PKD1L1: variants seen among roughly 807,000 people sequenced by gnomAD.
PKD1L1 encodes polycystin 1 like 1, transient receptor potential channel interacting.
In PKD1L1, 236 loss-of-function variants were observed where a neutral mutation model predicts 323.4. The observed-to-expected ratio is 0.73, with a 90% CI of 0.66 to 0.81. The LOEUF is 0.81. PKD1L1 is among the 40% of genes least tolerant of loss of function. PKD1L1 has a pLI of 0.00. For missense variants in PKD1L1, 3,320 were observed against 3,508.0 expected, an observed-to-expected ratio of 0.95 and a Z score of 1.35; for synonymous variants, 1,344 against 1,335.0, an observed-to-expected ratio of 1.01 and a Z score of -0.15.
At chr7:47,860,491 A>G (rs56119114) in intron 26 of PKD1L1, among the ~76,000 whole-genome samples, 26,299 of 152,198 alleles carry the variant, frequency 0.17, 2,398 homozygotes, top group East Asian at 0.25. Flanking sequence ...TTTAACCACA[A>G]TGATATCTAA....
At chr7:47,819,601 G>A (rs998417308) in intron 46 of PKD1L1, 2 of 1,357,484 alleles carry the variant, frequency 1.5e-6, no homozygotes, top group Non-Finnish European at 2.0e-6. Context: ...CAAATGAGGA[G>A]GCAGAAAATT....
rs1787757669 is a variant in PKD1L1, at chr7:47,931,008, A to G, written c.737+96T>C. 6.4e-6 allele frequency: 8 copies of G among 1,255,756 alleles called. No homozygotes were observed. The South Asian group carries it at 1.2e-4, about 19-fold the overall frequency. The allele number at this position is 1,255,756 out of a possible 1,614,324, so 77.8% of individuals were successfully genotyped here. On this transcript the variant is annotated intron_variant, in intron 6 of 56. Transcript: ENST00000289672. ...AACTGCAACTATAATTAAAGCAAAC[A>G]ACGAAGATACTAAAATCACTAACGG...
intron 16 of PKD1L1, 73 bp downstream of exon 16, chr7:47,890,469 C>T (rs1786786405): frequency 2.0e-6 from 3 of 1,475,134 alleles, no homozygotes; most frequent in Non-Finnish European, 2.8e-6. Flanking sequence ...CAGCAGATTC[C>T]TTTCACGGAT....
intron 8 of PKD1L1, among the ~76,000 whole-genome samples, chr7:47,911,333 C>T (rs1401642756): frequency 6.6e-6 from 1 of 152,196 alleles, no homozygotes; most frequent in Non-Finnish European, 1.5e-5. Flanking sequence ...AAGCAAATGT[C>T]GGCACCCGTG....
Position 47,811,892 on chromosome 7 carries a change from G to A in PKD1L1, c.7506C>T (p.Val2502=), listed in dbSNP as rs747289738. Residue 2502 remains valine, a synonymous_variant, in exon 50 of 57, where the codon GTC becomes GTT. Coordinates refer to ENST00000289672, the MANE Select transcript of PKD1L1 (RefSeq NM_138295.5). ...RVEILPTGSL[V]PSSLVESFSI... ...TGAATGACTCCACCAGGGATGAGGG[G>A]ACGAGACTCCCCGTAGGGAGGATCT... 5 of 1,611,108 alleles carry A rather than the reference G, an allele frequency of 3.1e-6. No individual in the cohort carries two copies. In the Admixed American group the frequency reaches 8.4e-5, roughly 27 times the overall value.
At chr7:47,899,301 A>G (rs1787025698) in intron 13 of PKD1L1, among the ~76,000 whole-genome samples, 3 of 152,136 alleles carry the variant, frequency 2.0e-5, no homozygotes, top group Non-Finnish European at 4.4e-5. Flanking sequence ...TATTCTTTCT[A>G]CTGTTATTTA....
chr7:47,843,029 G>A lies in PKD1L1; in HGVS notation c.5378C>T (p.Pro1793Leu), dbSNP rs202181563. 8.6e-5 allele frequency: 139 copies of A among 1,613,950 alleles called. No homozygotes were observed. The highest frequency in any genetic ancestry group is 3.3e-4 in the South Asian group (30 of 91,072). The stretch of plus-strand genomic sequence containing the variant: ...GACGACCGCATATAGCTGATGGCCC[G>A]GCAGGGAAGCTTCTTGCAGAAAGAT... ...GYIFLQEASLPGHQLYAVVID... is the reference protein window; with the variant it reads ...GYIFLQEASLLGHQLYAVVID... The change falls in exon 34 of 57, where the codon CCG (proline) becomes CTG (leucine). Residue 1793 changes from proline (P) to leucine (L), a missense_variant. Transcript: ENST00000289672.
intron 24 of PKD1L1, 145 bp from the exon 25 acceptor site, chr7:47,866,759 G>T: frequency 1.6e-6 from 1 of 627,938 alleles, no homozygotes; most frequent in Non-Finnish European, 2.7e-6. Context: ...AGGAGAATTG[G>T]TCTGTGCAAC....
At chr7:47,927,865 C>A (rs907937332) in intron 7 of PKD1L1, among the ~76,000 whole-genome samples, 9 of 152,198 alleles carry the variant, frequency 5.9e-5, no homozygotes, top group Non-Finnish European at 1.2e-4. Context: ...ATGACATACA[C>A]ATGTAATTAT....
rs540302356 is a variant in PKD1L1, at chr7:47,859,032, A to C, written c.4150-147T>G. On this transcript the variant is annotated intron_variant, in intron 26 of 56. Coordinates refer to ENST00000289672, the MANE Select transcript of PKD1L1 (RefSeq NM_138295.5). Reference sequence around the variant, plus strand: ...AAGTGCCTCATGGCATATGATGCATATATTCTTGCCTTTTTCATTATTATA... The same window carrying C: ...AAGTGCCTCATGGCATATGATGCATCTATTCTTGCCTTTTTCATTATTATA... 21 of 1,028,168 alleles carry C rather than the reference A, an allele frequency of 2.0e-5. No homozygotes were observed. The African/African-American group carries it at 3.2e-4, about 16-fold the overall frequency. 63.7% of individuals were successfully genotyped at this position (1,028,168 alleles called of 1,614,324 possible).
intron 56 of PKD1L1, among the ~76,000 whole-genome samples, chr7:47,781,494 C>T (rs1037048140): frequency 1.1e-4 from 17 of 150,726 alleles, no homozygotes; most frequent in Non-Finnish European, 1.8e-4. Context: ...CTGCAAGCTC[C>T]GCCTCCTGGG....
At chr7:47,950,856 G>C (rs562692648), upstream of PKD1L1, among the ~76,000 whole-genome samples, 36 of 152,118 alleles carry the variant, frequency 2.4e-4, no homozygotes, top group Admixed American at 9.2e-4. Flanking sequence ...GCCTTTTTCC[G>C]GGCAGTGCGG....
At chr7:47,931,842 A>G (rs1787776273) in intron 5 of PKD1L1, 94 bp downstream of exon 5, 2 of 1,445,140 alleles carry the variant, frequency 1.4e-6, no homozygotes, top group Non-Finnish European at 1.9e-6. Flanking sequence ...ACAAACTCTG[A>G]GGCCGCCTAC....
At position 47,800,815 on chromosome 7, in the gene PKD1L1, A is replaced by T; in HGVS notation, c.8027T>A (p.Val2676Asp). The T allele has an allele frequency of 6.2e-7, 1 of 1,614,100 alleles. No individual in the cohort carries two copies. The highest frequency in any genetic ancestry group is 1.1e-5 in the South Asian group (1 of 91,070). Residue 2676 changes from valine to aspartate, a missense_variant, in exon 54 of 57, where the codon GTT (valine) becomes GAT (aspartate). By Grantham distance (152) the Val-to-Asp change is radical (BLOSUM62 -3). Transcript: ENST00000289672. ...HLHRFLLSMW[V>D]LPPGTFTDAF... ...GTCTGTGAAGGTGCCAGGTGGTAGAACCCACATAGAGAGCAGAAATCGGTG... is the reference window on the plus strand; with the variant it reads ...GTCTGTGAAGGTGCCAGGTGGTAGATCCCACATAGAGAGCAGAAATCGGTG...
At chr7:47,950,359 A>G (rs187925776), upstream of PKD1L1, among the ~76,000 whole-genome samples, 3 of 152,320 alleles carry the variant, frequency 2.0e-5, no homozygotes, top group Non-Finnish European at 4.4e-5. Context: ...CAGCAGTGCT[A>G]ACCAAAGATG....
At chr7:47,894,765 C>T (rs1199325057) in intron 14 of PKD1L1, among the ~76,000 whole-genome samples, 2 of 151,266 alleles carry the variant, frequency 1.3e-5, no homozygotes, top group Non-Finnish European at 2.9e-5. Context: ...GCACAAGAAT[C>T]GCTTGAACCC....
At chr7:47,817,989 C>T in intron 46 of PKD1L1, 1 of 1,271,040 alleles carries the variant, frequency 7.9e-7, no homozygotes, top group Non-Finnish European at 1.0e-6. Flanking sequence ...ATTTGATCTT[C>T]ATTGGTTTAT....
At position 47,859,025 on chromosome 7, in the gene PKD1L1, G is replaced by A. The variant is rs1308643788; in HGVS notation, c.4150-140C>T. On this transcript the variant is annotated intron_variant, in intron 26 of 56. Coordinates refer to ENST00000289672, the MANE Select transcript of PKD1L1 (RefSeq NM_138295.5). ...GTAAATAAAGTGCCTCATGGCATAT[G>A]ATGCATATATTCTTGCCTTTTTCAT... is the stretch of plus-strand genomic sequence containing the variant. 2.8e-6 allele frequency: 3 copies of A among 1,082,280 alleles called. No homozygotes were observed. In the African/African-American group the frequency reaches 4.8e-5, roughly 17 times the overall value. 67.0% of individuals were successfully genotyped at this position (1,082,280 alleles called of 1,614,324 possible).
chr7:47,957,860 A>ATATAT, the PKD1L1 span, among the ~76,000 whole-genome samples: 55 of 124,172 alleles, frequency 4.4e-4, 2 homozygotes, highest in Middle Eastern at 7.9e-3. Flanking sequence ...CAATTAAAAA[A>ATATAT]AAATATATAT....
Sources: allele counts gnomAD v4.1 joint callset (sites outside exome capture counted in the v4.1 genomes callset), GRCh38; gene constraint gnomAD v4.1.1; transcripts MANE v1.5; gene names NCBI Gene and HGNC (gene_info 2026-07-23, HGNC 2026-07-21).